TENM3: variants seen among roughly 807,000 people sequenced by gnomAD.
TENM3 encodes the protein teneurin-3.
Under a neutral mutation model 255.1 loss-of-function variants are expected in TENM3, and 63 were observed. That is an observed-to-expected ratio of 0.25 (90% CI 0.20 to 0.30). The LOEUF (loss-of-function observed/expected upper bound fraction) is 0.30. Among genes scored for constraint, TENM3 ranks in the 10% least tolerant of loss-of-function variants. TENM3 has a pLI of 1.00. For missense variants in TENM3, 2,929 were observed against 3,461.1 expected (o/e 0.85, Z 3.86); for synonymous variants, 1,306 against 1,322.3 (o/e 0.99, Z 0.27).
intron 24 of TENM3, among the ~76,000 whole-genome samples, chr4:182,787,180 C>T (rs1765733536): frequency 6.6e-6 from 1 of 152,244 alleles, no homozygotes; most frequent in Non-Finnish European, 1.5e-5. Flanking sequence ...CATGGAAGCT[C>T]AGAAAGCCTC....
At chr4:182,237,453 C>T (rs1756968489) in intron 1 of TENM3, among the ~76,000 whole-genome samples, 1 of 150,640 alleles carries the variant, frequency 6.6e-6, no homozygotes. Flanking sequence ...GTAACTTCTG[C>T]CTCCTGGGTT....
At chr4:182,430,635 G>A (rs1439804960) in intron 3 of TENM3, among the ~76,000 whole-genome samples, 2 of 152,190 alleles carry the variant, frequency 1.3e-5, no homozygotes, top group Non-Finnish European at 2.9e-5. Flanking sequence ...CTGAAGGCAC[G>A]CTGCTCATGT....
chr4:181,883,538 G>C, the TENM3 span, among the ~76,000 whole-genome samples: 4 of 152,104 alleles, frequency 2.6e-5, no homozygotes, highest in East Asian at 7.7e-4. Flanking sequence ...GCTGTGGTGC[G>C]ATCTCGGCTC....
intron 1 of TENM3, among the ~76,000 whole-genome samples, chr4:182,205,042 C>T (rs977178875): frequency 6.6e-6 from 1 of 152,172 alleles, no homozygotes; most frequent in African/African-American, 2.4e-5. Context: ...TGCTCATTAG[C>T]TTTTCTGAAT....
At chr4:181,607,658 C>G in the TENM3 span, among the ~76,000 whole-genome samples, 6 of 152,066 alleles carry the variant, frequency 3.9e-5, no homozygotes, top group Admixed American at 3.9e-4. Flanking sequence ...CTGCCTCAGC[C>G]TCCCAAAGTC....
chr4:182,339,747 C>G (rs1764367041), intron 2 of TENM3, among the ~76,000 whole-genome samples: 1 of 152,094 alleles, frequency 6.6e-6, no homozygotes, highest in Non-Finnish European at 1.5e-5. Context: ...CCGCTTTATG[C>G]CAAACCATAG....
chr4:181,697,370 G>T, the TENM3 span, among the ~76,000 whole-genome samples: 2 of 151,744 alleles, frequency 1.3e-5, no homozygotes, highest in Non-Finnish European at 2.9e-5. Flanking sequence ...TCCATTTCCT[G>T]GTGGGTTTTT....
the TENM3 span, among the ~76,000 whole-genome samples, chr4:182,002,864 ATACCTT>A: frequency 1.3e-5 from 2 of 152,124 alleles, no homozygotes; most frequent in African/African-American, 2.4e-5. Context: ...CAACCAACAC[ATACCTT>A]TACCTTATGT....
In TENM3 at chr4:182,630,776, T is replaced by TA. The variant is rs35109758; in HGVS notation, c.988+1887_988+1888insA. 2.8e-3 allele frequency among the ~76,000 whole-genome samples: 431 copies of TA among 151,906 alleles called. 10 individuals are homozygous for TA. Among genetic ancestry groups the TA allele is most frequent in the Admixed American group, 0.023 (353 of 15,226 alleles). ...TTATTTTATTTTATTATTATTATTT[T>TA]TTTTTTACTAAATGGGGCACACCAG... On this transcript the variant is annotated intron_variant, in intron 5 of 27. Transcript: ENST00000511685.
the TENM3 span, among the ~76,000 whole-genome samples, chr4:181,491,420 A>G: frequency 6.6e-6 from 1 of 152,020 alleles, no homozygotes; most frequent in Non-Finnish European, 1.5e-5. Context: ...TGCTTTATAT[A>G]TACATATATT....
At chr4:182,378,906 C>G (rs1767372059) in intron 3 of TENM3, among the ~76,000 whole-genome samples, 1 of 143,808 alleles carries the variant, frequency 7.0e-6, no homozygotes, top group South Asian at 2.3e-4. Flanking sequence ...CTTCAGAGCT[C>G]AGCTCCACAT....
intron 3 of TENM3, among the ~76,000 whole-genome samples, chr4:182,359,791 T>C (rs1282725508): frequency 6.6e-6 from 1 of 152,138 alleles, no homozygotes; most frequent in Non-Finnish European, 1.5e-5. Flanking sequence ...CTTACTTTTC[T>C]AGTTCTTTTA....
At chr4:181,887,102 A>G in the TENM3 span, among the ~76,000 whole-genome samples, 37 of 152,076 alleles carry the variant, frequency 2.4e-4, no homozygotes, top group African/African-American at 8.0e-4. Context: ...TGCTCACCTT[A>G]TTTCCCCTAA....
chr4:182,339,831 G>T (rs979838477), intron 2 of TENM3, among the ~76,000 whole-genome samples: 1 of 152,044 alleles, frequency 6.6e-6, no homozygotes, highest in African/African-American at 2.4e-5. Flanking sequence ...TATTATCATT[G>T]CCGGGCCTTG....
chr4:181,469,559 A>G, the TENM3 span, among the ~76,000 whole-genome samples: 3 of 152,160 alleles, frequency 2.0e-5, no homozygotes, highest in African/African-American at 7.2e-5. Context: ...GAATGGCATT[A>G]TAGTTAAGGG....
At chr4:182,543,047 A>G (rs1278995410) in intron 3 of TENM3, among the ~76,000 whole-genome samples, 3 of 152,224 alleles carry the variant, frequency 2.0e-5, no homozygotes, top group Admixed American at 2.0e-4. Context: ...TGACATAACA[A>G]AGGAGTTCCT....
the TENM3 span, among the ~76,000 whole-genome samples, chr4:181,458,381 C>T: frequency 6.6e-6 from 1 of 151,996 alleles, no homozygotes; most frequent in Middle Eastern, 3.4e-3. Flanking sequence ...AATATCTGCC[C>T]TAGTAGTCCA....
At chr4:181,622,164 C>T in the TENM3 span, among the ~76,000 whole-genome samples, 1 of 152,238 alleles carries the variant, frequency 6.6e-6, no homozygotes, top group East Asian at 1.9e-4. Context: ...AGATGTCCTA[C>T]ATGGTCAACT....
At chr4:182,055,829 A>C in the TENM3 span, among the ~76,000 whole-genome samples, 1 of 152,160 alleles carries the variant, frequency 6.6e-6, no homozygotes, top group Admixed American at 6.5e-5. Context: ...AAAATTAAAG[A>C]TAAGTGCGTA....
Sources: allele counts gnomAD v4.1 joint callset (sites outside exome capture counted in the v4.1 genomes callset), GRCh38; gene constraint gnomAD v4.1.1; transcripts MANE v1.5; gene names NCBI Gene and HGNC (gene_info 2026-07-23, HGNC 2026-07-21).